Variants in QRFPR observed in about 807,000 individuals in gnomAD.
QRFPR encodes the protein pyroglutamylated RF-amide peptide receptor.
QRFPR carries 37 observed loss-of-function variants against 31.3 expected under a neutral mutation model. That is an observed-to-expected ratio of 1.18 (90% CI 0.91 to 1.56). The LOEUF (loss-of-function observed/expected upper bound fraction) is 1.56, where lower values mean the gene tolerates loss of function less well. QRFPR is among the 40% of genes most tolerant of loss of function. The pLI is 0.00. For synonymous variants in QRFPR, 197 were observed against 192.0 expected (o/e 1.03, Z -0.22); for missense variants, 542 against 532.5 (o/e 1.02, Z -0.18).
Position 121,380,801 on chromosome 4 carries a change from G to C in QRFPR, c.-154C>G, listed in dbSNP as rs1726479672. 9.2e-6 allele frequency: 6 copies of C among 654,420 alleles called. No individual in the cohort carries two copies. The Admixed American group carries it at 9.3e-5, about 10-fold the overall frequency. The allele number at this position is 654,420 out of a possible 1,614,324, so 40.5% of individuals were successfully genotyped here. The stretch of plus-strand genomic sequence containing the variant: ...CGGGAGGGCTCTAGGCTGCACCCCG[G>C]GAGGTTCGGGAAAGGAGAGCAGCTC... On this transcript the variant is annotated 5_prime_UTR_variant, in exon 1 of 6. Coordinates refer to ENST00000394427, the MANE Select transcript of QRFPR (RefSeq NM_198179.3).
Position 121,329,170 on chromosome 4 carries a change from C to T in QRFPR, c.*144G>A. On this transcript the variant is annotated 3_prime_UTR_variant, in exon 6 of 6. Transcript: ENST00000394427. ...TAAACATCACTGCACTTGGACTAGC[C>T]TCGTGTCATTTTTTAATGGAAACAT... The T allele has an allele frequency of 1.5e-6, 1 of 646,000 alleles. No individual in the cohort carries two copies. The highest frequency in any genetic ancestry group is 2.5e-6 in the Non-Finnish European group (1 of 393,266). 40.0% of individuals were successfully genotyped at this position (646,000 alleles called of 1,614,324 possible). A position where few individuals can be genotyped will look rare whatever the true frequency, so the allele number is the denominator to read the frequency against.
intron 3 of QRFPR, 106 bp downstream of exon 3, chr4:121,336,701 T>C: frequency 1.2e-6 from 1 of 849,530 alleles, no homozygotes; most frequent in Admixed American, 1.7e-5. Context: ...ATAGCTGAGG[T>C]CATACAAATT....
At chr4:121,358,485 C>T (rs1311945776) in intron 1 of QRFPR, among the ~76,000 whole-genome samples, 1 of 152,184 alleles carries the variant, frequency 6.6e-6, no homozygotes, top group Non-Finnish European at 1.5e-5. Context: ...TAAATGATAA[C>T]TGAAAAGAAT....
intron 1 of QRFPR, among the ~76,000 whole-genome samples, chr4:121,348,198 T>G (rs1313149048): frequency 6.6e-6 from 1 of 152,134 alleles, no homozygotes; most frequent in Non-Finnish European, 1.5e-5. Flanking sequence ...TGTCTTGGGT[T>G]TTCTTATCTA....
chr4:121,335,170 A>T (rs1457957476), intron 3 of QRFPR, among the ~76,000 whole-genome samples: 1 of 152,232 alleles, frequency 6.6e-6, no homozygotes, highest in African/African-American at 2.4e-5. Context: ...TTATGTATTT[A>T]AAAAATATTT....
intron 1 of QRFPR, among the ~76,000 whole-genome samples, chr4:121,344,853 T>A (rs1388411560): frequency 6.6e-6 from 1 of 152,196 alleles, no homozygotes; most frequent in Non-Finnish European, 1.5e-5. Flanking sequence ...GTGAATTGTA[T>A]GGGTCTAAAT....
chr4:121,352,042 A>G (rs764293734), intron 1 of QRFPR, among the ~76,000 whole-genome samples: 6 of 152,088 alleles, frequency 3.9e-5, no homozygotes, highest in Non-Finnish European at 8.8e-5. Flanking sequence ...TGTGGGAAAA[A>G]CTTAAATACA....
At chr4:121,365,601 TAATA>T (rs1477329050) in intron 1 of QRFPR, among the ~76,000 whole-genome samples, 9,509 of 18,536 alleles carry the variant, frequency 0.51, 2,026 homozygotes, top group Middle Eastern at 0.61. Flanking sequence ...TATATATATA[TAATA>T]TATATATTAT....
intron 4 of QRFPR, among the ~76,000 whole-genome samples, chr4:121,331,385 T>C (rs796225400): frequency 7.3e-5 from 11 of 151,054 alleles, no homozygotes; most frequent in African/African-American, 2.7e-4. Flanking sequence ...GGTCTCACTT[T>C]GTTGCCCAGG....
chr4:121,335,137 G>A (rs1436516321), intron 3 of QRFPR, among the ~76,000 whole-genome samples: 3 of 152,004 alleles, frequency 2.0e-5, no homozygotes, highest in South Asian at 2.1e-4. Flanking sequence ...GACATGACAT[G>A]CATTTTCTAC....
At chr4:121,329,844 T>G in intron 5 of QRFPR, 130 bp from the exon 6 acceptor site, 1 of 665,010 alleles carries the variant, frequency 1.5e-6, no homozygotes. Context: ...CAAGATCGTT[T>G]TGGGAGAGGC....
At chr4:121,343,942 G>A (rs1186052011) in intron 1 of QRFPR, among the ~76,000 whole-genome samples, 1 of 152,104 alleles carries the variant, frequency 6.6e-6, no homozygotes, top group Non-Finnish European at 1.5e-5. Flanking sequence ...TAGCCACTCT[G>A]AGCCTCAATT....
intron 3 of QRFPR, among the ~76,000 whole-genome samples, chr4:121,336,475 G>C (rs1045832757): frequency 1.3e-5 from 2 of 152,116 alleles, no homozygotes; most frequent in African/African-American, 4.8e-5. Flanking sequence ...GAAAAACCTA[G>C]AGCAATCATT....
chr4:121,368,547 G>T lies in QRFPR; in HGVS notation c.340+11761C>A, dbSNP rs1726169798. ...CATGAAGAACTGGTTGCAGGACAGT[G>T]ATCCATTAGGTCTACCAAAAAGCAG... On this transcript the variant is annotated intron_variant, in intron 1 of 5. Transcript: ENST00000394427. Among the ~76,000 whole-genome samples the T allele has an allele frequency of 6.6e-5, 10 of 150,420 alleles. No individual in the cohort carries two copies. In the South Asian group the frequency reaches 1.9e-3, roughly 28 times the overall value.
intron 4 of QRFPR, among the ~76,000 whole-genome samples, chr4:121,331,452 G>A (rs1299965266): frequency 6.6e-6 from 1 of 151,132 alleles, no homozygotes; most frequent in Non-Finnish European, 1.5e-5. Context: ...CCAAAGTGCT[G>A]GGATTCCAGG....
At chr4:121,330,074 A>G (rs1486857157) in intron 5 of QRFPR, among the ~76,000 whole-genome samples, 1 of 152,222 alleles carries the variant, frequency 6.6e-6, no homozygotes, top group Non-Finnish European at 1.5e-5. Context: ...GTCCTGGGTT[A>G]TCAGAAAGAA....
At chr4:121,376,542 TG>T (rs749440612) in intron 1 of QRFPR, among the ~76,000 whole-genome samples, 3,878 of 129,940 alleles carry the variant, frequency 0.03, 72 homozygotes, top group Middle Eastern at 0.072. Flanking sequence ...TTTCTGGGTT[TG>T]TTTTTTTTTT....
At chr4:121,357,071 C>T (rs1329761321) in intron 1 of QRFPR, among the ~76,000 whole-genome samples, 1 of 152,066 alleles carries the variant, frequency 6.6e-6, no homozygotes, top group African/African-American at 2.4e-5. Flanking sequence ...CCTACTGGTG[C>T]TGTAACAAAG....
intron 1 of QRFPR, among the ~76,000 whole-genome samples, chr4:121,352,609 T>C (rs758362186): frequency 6.6e-6 from 1 of 152,084 alleles, no homozygotes; most frequent in Non-Finnish European, 1.5e-5. Flanking sequence ...ATAATGGTTA[T>C]ACATATTTAC....
Sources: allele counts gnomAD v4.1 joint callset (sites outside exome capture counted in the v4.1 genomes callset), GRCh38; gene constraint gnomAD v4.1.1; transcripts MANE v1.5; gene names NCBI Gene and HGNC (gene_info 2026-07-23, HGNC 2026-07-21).